The following SPACA1 variants were observed in gnomAD, a reference collection of about 807,000 sequenced individuals.
SPACA1 encodes the protein sperm acrosome associated 1.
Under a neutral mutation model 32.6 loss-of-function variants are expected in SPACA1, and 17 were observed. The observed-to-expected ratio is 0.52, with a 90% confidence interval of 0.36 to 0.78. The LOEUF (loss-of-function observed/expected upper bound fraction) is 0.78. Ranked by LOEUF, SPACA1 falls within the 30% of genes least tolerant of loss-of-function variation. SPACA1 has a pLI of 0.01. For synonymous variants in SPACA1, 140 were observed against 138.1 expected (o/e 1.01, Z -0.10); for missense variants, 363 against 373.4 (o/e 0.97, Z 0.23).
Position 88,064,107 on chromosome 6 carries a change from A to T in SPACA1, c.619A>T (p.Met207Leu). The T allele has an allele frequency of 3.1e-6, 5 of 1,613,334 alleles. No individual in the cohort carries two copies. Among genetic ancestry groups the T allele is most frequent in the Non-Finnish European group, 4.2e-6 (5 of 1,179,558 alleles). ...TTGTGTGTTTTCTCTAGAATTGCAG[A>T]TGAGAAGATCAAGCCTACCAGCCAC... ...FTVYTSSELQ[M>L]RRSSLPATDA... Residue 207 changes from methionine (M) to leucine (L), a missense_variant, in exon 6 of 7, where the codon ATG (methionine) becomes TTG (leucine). Physicochemically the swap from Met to Leu is conservative, Grantham distance 15 (BLOSUM62 2). Transcript: ENST00000237201.
rs71554769 is a variant in SPACA1, at chr6:88,061,432, G to GCA, written c.610+1871_610+1872dup. Among the ~76,000 whole-genome samples, 399 of 150,150 alleles carry GCA rather than the reference G, an allele frequency of 2.7e-3. 3 individuals are homozygous for GCA. The highest frequency in any genetic ancestry group is 9.1e-3 in the South Asian group (43 of 4,726). ...GAGGAATATTTGGGCATGCTTGTGC[G>GCA]CACACACACACACACACACACACAC... On this transcript the variant is annotated intron_variant, in intron 5 of 6. Transcript: ENST00000237201.
At chr6:88,059,638 G>C (rs759971629) in intron 5 of SPACA1, 50 bp downstream of exon 5, 17 of 1,534,144 alleles carry the variant, frequency 1.1e-5, no homozygotes, top group Non-Finnish European at 1.4e-5. Flanking sequence ...TCTTTAAAGA[G>C]CATTAAAATC....
chr6:88,054,046 G>A (rs376328392), intron 2 of SPACA1, 44 bp downstream of exon 2: 21 of 1,580,982 alleles, frequency 1.3e-5, no homozygotes, highest in East Asian at 6.7e-5. Flanking sequence ...TGTAATTTGC[G>A]GGGGAGGAAA....
At chr6:88,052,871 T>G (rs58458923) in intron 1 of SPACA1, among the ~76,000 whole-genome samples, 3,759 of 152,198 alleles carry the variant, frequency 0.025, 174 homozygotes, top group African/African-American at 0.085. Context: ...TTGGTGCTCT[T>G]AAGTACAGAA....
chr6:88,051,668 A>G (rs1045597993), intron 1 of SPACA1, among the ~76,000 whole-genome samples: 1 of 152,214 alleles, frequency 6.6e-6, no homozygotes, highest in Non-Finnish European at 1.5e-5. Flanking sequence ...TAACTGTCCT[A>G]TCAAATTAAG....
At chr6:88,064,027 A>C in intron 5 of SPACA1, 72 bp from the exon 6 acceptor site, 1 of 1,514,098 alleles carries the variant, frequency 6.6e-7, no homozygotes, top group Non-Finnish European at 8.8e-7. Context: ...TTTCAAATAT[A>C]AACTTTTAAG....
In SPACA1 at chr6:88,056,715, A is replaced by G. The variant is rs146508681; in HGVS notation, c.266-897A>G. Among the ~76,000 whole-genome samples the G allele has an allele frequency of 4.0e-3, 616 of 152,286 alleles. 4 individuals are homozygous for G. The highest frequency in any genetic ancestry group is 0.011 in the African/African-American group (440 of 41,560). On this transcript the variant is annotated intron_variant, in intron 2 of 6. Coordinates refer to ENST00000237201, the MANE Select transcript of SPACA1 (RefSeq NM_030960.3). ...AGGGGCTGGAAGAGGAAATCTGGTA[A>G]TTAAGGAAATAAAAATGGACTCTTT...
intron 2 of SPACA1, among the ~76,000 whole-genome samples, chr6:88,056,029 G>A (rs1775802047): frequency 2.6e-5 from 4 of 151,870 alleles, no homozygotes; most frequent in Admixed American, 1.3e-4. Flanking sequence ...ACAATAGCAT[G>A]TTAATTACTT....
Position 88,059,433 on chromosome 6 carries a change from A to G in SPACA1, c.475-20A>G, listed in dbSNP as rs1279258592. 10 of 1,571,824 alleles carry G rather than the reference A, an allele frequency of 6.4e-6. No individual in the cohort carries two copies. The highest frequency in any genetic ancestry group is 8.6e-6 in the Non-Finnish European group (10 of 1,158,630). On this transcript the variant is annotated intron_variant, in intron 4 of 6. Transcript: ENST00000237201. ...ACATGAAAAATGTTGATACTTTGTT[A>G]TTTTTTTCTTTTTAAATAGCAATCC...
chr6:88,066,568 T>A lies in SPACA1; in HGVS notation c.*233T>A. On this transcript the variant is annotated 3_prime_UTR_variant, in exon 7 of 7. Transcript: ENST00000237201. ...ATTTCAGGTAATAGCTTGGGGATAT[T>A]TATCTAAAGGTACCCCCAACAAATC... The A allele has an allele frequency of 3.6e-6, 1 of 277,074 alleles. No homozygotes were observed. The highest frequency in any genetic ancestry group is 6.6e-6 in the Non-Finnish European group (1 of 150,562). 17.2% of individuals were successfully genotyped at this position (277,074 alleles called of 1,614,324 possible). A position where few individuals can be genotyped will look rare whatever the true frequency, so the allele number is the denominator to read the frequency against.
chr6:88,057,413 C>G (rs1450828891), intron 2 of SPACA1, among the ~76,000 whole-genome samples, 199 bp from the exon 3 acceptor site: 1 of 152,102 alleles, frequency 6.6e-6, no homozygotes, highest in Non-Finnish European at 1.5e-5. Context: ...TTTCACGTAA[C>G]TCACTCCAGA....
At chr6:88,048,175 C>A in intron 1 of SPACA1, 62 bp downstream of exon 1, 1 of 1,460,844 alleles carries the variant, frequency 6.8e-7, no homozygotes, top group Non-Finnish European at 9.3e-7. Flanking sequence ...CAAAGGCCTG[C>A]TCTTTGCCTG....
At chr6:88,056,353 C>CA (rs888708488) in intron 2 of SPACA1, among the ~76,000 whole-genome samples, 18 of 151,390 alleles carry the variant, frequency 1.2e-4, no homozygotes, top group African/African-American at 3.6e-4. Context: ...GACTCCGTCT[C>CA]AAAAAAAAAC....
chr6:88,057,088 C>T (rs1302592235), intron 2 of SPACA1, among the ~76,000 whole-genome samples: 3 of 152,132 alleles, frequency 2.0e-5, no homozygotes, highest in Non-Finnish European at 4.4e-5. Context: ...ATATTGTATA[C>T]CACTATATTC....
intron 5 of SPACA1, among the ~76,000 whole-genome samples, chr6:88,063,664 G>A (rs1334030361): frequency 6.6e-6 from 1 of 152,100 alleles, no homozygotes. Context: ...CTAAGCAAAT[G>A]TACATTTAAG....
At chr6:88,053,925 A>G (rs1775767475) in intron 1 of SPACA1, 21 bp from the exon 2 acceptor site, 3 of 1,607,214 alleles carry the variant, frequency 1.9e-6, no homozygotes, top group African/African-American at 1.3e-5. Context: ...TAAATAATGT[A>G]TCTTTACCCT....
In SPACA1 at chr6:88,047,880, TC is replaced by T; in HGVS notation, c.-25del. ...CAGGAGCCGCGGCGGCGACTGCGCC[TC>T]GGACGGCCGTCGGGGCCGAGAACCA... On this transcript the variant is annotated 5_prime_UTR_variant, in exon 1 of 7. Coordinates refer to ENST00000237201, the MANE Select transcript of SPACA1 (RefSeq NM_030960.3). 3 of 1,513,546 alleles carry T rather than the reference TC, an allele frequency of 2.0e-6. No homozygotes were observed. The highest frequency in any genetic ancestry group is 1.4e-5 in the African/African-American group (1 of 72,120). The allele number at this position is 1,513,546 out of a possible 1,614,324, so 93.8% of individuals were successfully genotyped here. A position where few individuals can be genotyped will look rare whatever the true frequency, so the allele number is the denominator to read the frequency against.
At chr6:88,062,683 G>A (rs1000643946) in intron 5 of SPACA1, among the ~76,000 whole-genome samples, 15 of 152,086 alleles carry the variant, frequency 9.9e-5, no homozygotes, top group Non-Finnish European at 2.1e-4. Flanking sequence ...GTACAGTGGT[G>A]TGTGCCTATA....
chr6:88,066,022 T>C (rs1775977877), intron 6 of SPACA1, among the ~76,000 whole-genome samples, 160 bp from the exon 7 acceptor site: 2 of 152,040 alleles, frequency 1.3e-5, no homozygotes. Context: ...TGTATTTGTA[T>C]ATGTACAGGT....
Sources: allele counts gnomAD v4.1 joint callset (sites outside exome capture counted in the v4.1 genomes callset), GRCh38; gene constraint gnomAD v4.1.1; transcripts MANE v1.5; gene names NCBI Gene and HGNC (gene_info 2026-07-23, HGNC 2026-07-21).